Variants in BMPR2 observed in about 807,000 individuals in gnomAD.
BMPR2 encodes the protein bone morphogenetic protein receptor type 2, also known as bone morphogenetic protein receptor type-2.
In BMPR2, 29 loss-of-function variants were observed where a neutral mutation model predicts 100.8. The ratio of observed to expected loss-of-function variants is 0.29; its 90% CI spans 0.21 to 0.39. The LOEUF is 0.39. Ranked by LOEUF, BMPR2 falls within the 10% of genes least tolerant of loss-of-function variation. The pLI is 1.00. For synonymous variants in BMPR2, 382 were observed against 442.3 expected (o/e 0.86, Z 1.71); for missense variants, 1,011 against 1,274.5 (o/e 0.79, Z 3.15).
chr2:202,452,896 T>C (rs1024678923), intron 1 of BMPR2, among the ~76,000 whole-genome samples: 1 of 152,178 alleles, frequency 6.6e-6, no homozygotes, highest in African/African-American at 2.4e-5. Flanking sequence ...CTCAGTGGTC[T>C]GGGGTAATTA....
At position 202,380,118 on chromosome 2, in the gene BMPR2, G is replaced by A. The variant is rs1287314237; in HGVS notation, c.76+2568G>A. 2.0e-5 allele frequency among the ~76,000 whole-genome samples: 3 copies of A among 151,152 alleles called. No individual in the cohort carries two copies. The East Asian group carries it at 5.8e-4, about 29-fold the overall frequency. ...CCTGACCTCGTGATCCACCTGCCTCGGCCTCCCAAAGTGCTGGGATTACAG... is the reference window on the plus strand; with the variant it reads ...CCTGACCTCGTGATCCACCTGCCTCAGCCTCCCAAAGTGCTGGGATTACAG... On this transcript the variant is annotated intron_variant, in intron 1 of 12. Coordinates refer to ENST00000374580, the MANE Select transcript of BMPR2 (RefSeq NM_001204.7).
intron 3 of BMPR2, among the ~76,000 whole-genome samples, chr2:202,492,977 C>G (rs72925086): frequency 0.17 from 25,509 of 152,078 alleles, 2,459 homozygotes; most frequent in Middle Eastern, 0.24. Flanking sequence ...CTGGAAGATA[C>G]AGCTTTCACT....
At chr2:202,544,356 C>T (rs570639996) in intron 10 of BMPR2, among the ~76,000 whole-genome samples, 2 of 152,052 alleles carry the variant, frequency 1.3e-5, no homozygotes, top group East Asian at 1.9e-4. Context: ...TGAATCCTTG[C>T]ATGTTTAAAA....
At chr2:202,412,635 A>T (rs1346157119) in intron 1 of BMPR2, among the ~76,000 whole-genome samples, 1 of 152,162 alleles carries the variant, frequency 6.6e-6, no homozygotes, top group Non-Finnish European at 1.5e-5. Flanking sequence ...GTTATACTTT[A>T]AAAAATATAA....
rs541362131 is a variant in BMPR2, at chr2:202,468,084, G to A, written c.418+395G>A. The stretch of plus-strand genomic sequence containing the variant: ...AAAGTTGTTGGGAGTGAGAGGTAGA[G>A]TTCCAGCATCATAAGATTACATCTG... On this transcript the variant is annotated intron_variant, in intron 3 of 12. Coordinates refer to ENST00000374580, the MANE Select transcript of BMPR2 (RefSeq NM_001204.7). 4.6e-5 allele frequency among the ~76,000 whole-genome samples: 7 copies of A among 152,126 alleles called. No homozygotes were observed. The South Asian group carries it at 1.5e-3, about 32-fold the overall frequency.
intron 1 of BMPR2, among the ~76,000 whole-genome samples, chr2:202,432,152 C>T (rs1177790246): frequency 4.0e-5 from 6 of 150,806 alleles, no homozygotes; most frequent in East Asian, 3.9e-4. Flanking sequence ...TAACTCTCTT[C>T]CCTTTCTTTC....
chr2:202,396,848 A>G (rs1690666022), intron 1 of BMPR2, among the ~76,000 whole-genome samples: 2 of 151,870 alleles, frequency 1.3e-5, no homozygotes, highest in Non-Finnish European at 2.9e-5. Flanking sequence ...CCCAGGCTGG[A>G]GTGCAGTGGC....
At chr2:202,446,137 A>T (rs533516458) in intron 1 of BMPR2, among the ~76,000 whole-genome samples, 2 of 150,496 alleles carry the variant, frequency 1.3e-5, no homozygotes, top group Non-Finnish European at 2.9e-5. Flanking sequence ...GTGGTGGCTC[A>T]CGCCTGTAAT....
rs893200666 is a variant in BMPR2 at position 202,513,833 on chromosome 2, A to G, written c.529+4A>G. 2.5e-6 allele frequency: 4 copies of G among 1,595,150 alleles called. No homozygotes were observed. In the Admixed American group the frequency reaches 6.7e-5, roughly 27 times the overall value. On this transcript the variant is annotated splice_donor_region_variant and intron_variant, in intron 4 of 12. Coordinates refer to ENST00000374580, the MANE Select transcript of BMPR2 (RefSeq NM_001204.7). ...TTTGGATACAGAATGTTGACAGGTA[A>G]AAATTACCATTTTTTGTCCTATTGT...
intron 1 of BMPR2, among the ~76,000 whole-genome samples, chr2:202,442,833 C>T (rs1319245349): frequency 1.3e-5 from 2 of 150,608 alleles, no homozygotes; most frequent in South Asian, 2.1e-4. Context: ...TTTTGTTTAT[C>T]TGTTCATCTG....
intron 1 of BMPR2, among the ~76,000 whole-genome samples, chr2:202,458,080 T>C (rs1328688254): frequency 2.6e-5 from 4 of 152,022 alleles, no homozygotes; most frequent in Non-Finnish European, 4.4e-5. Flanking sequence ...TTAAATGATA[T>C]GGTAACACAT....
rs762096820 is a variant in BMPR2 at position 202,485,545 on chromosome 2, CTTTTTTTTT to C, written c.418+17867_418+17875del. Among the ~76,000 whole-genome samples, 3 of 64,020 alleles carry C rather than the reference CTTTTTTTTT, an allele frequency of 4.7e-5. No individual in the cohort carries two copies. The East Asian group carries it at 2.3e-3, about 49-fold the overall frequency. The allele number at this position is 64,020 out of a possible 152,430, so 42.0% of individuals were successfully genotyped here. ...GTCTCAAATCTCCCTTTGCCTTTATCTTTTTTTTTTTTTTTTTTTGAGACAGAGTCTCAC... is the reference window on the plus strand; with the variant it reads ...GTCTCAAATCTCCCTTTGCCTTTATCTTTTTTTTTTGAGACAGAGTCTCAC... On this transcript the variant is annotated intron_variant, in intron 3 of 12. Transcript: ENST00000374580.
chr2:202,464,400 G>T (rs1692279154), intron 1 of BMPR2, among the ~76,000 whole-genome samples: 1 of 152,034 alleles, frequency 6.6e-6, no homozygotes, highest in African/African-American at 2.4e-5. Flanking sequence ...TTGTATAACT[G>T]ACTATAAAAT....
intron 1 of BMPR2, among the ~76,000 whole-genome samples, chr2:202,393,866 T>A (rs977223410): frequency 7.7e-6 from 1 of 129,166 alleles, no homozygotes; most frequent in African/African-American, 2.9e-5. Flanking sequence ...GGCATCTAAT[T>A]AAGGTAATGA....
chr2:202,426,605 G>C (rs1574442529), intron 1 of BMPR2, among the ~76,000 whole-genome samples: 1 of 151,318 alleles, frequency 6.6e-6, no homozygotes, highest in East Asian at 1.9e-4. Flanking sequence ...ATTTTGGCTG[G>C]GTGTGGTGGC....
intron 1 of BMPR2, among the ~76,000 whole-genome samples, chr2:202,427,934 A>G (rs1221799317): frequency 6.6e-6 from 1 of 152,180 alleles, no homozygotes; most frequent in Non-Finnish European, 1.5e-5. Flanking sequence ...AGCTGAGATC[A>G]TGCCAGTGTG....
intron 3 of BMPR2, among the ~76,000 whole-genome samples, chr2:202,498,565 C>T (rs183869095): frequency 4.6e-5 from 7 of 152,084 alleles, no homozygotes; most frequent in Admixed American, 1.3e-4. Context: ...GTCCAGGGAC[C>T]GTTGCGAGTT....
intron 5 of BMPR2, among the ~76,000 whole-genome samples, chr2:202,516,836 CT>C (rs1687722189): frequency 6.6e-6 from 1 of 152,028 alleles, no homozygotes; most frequent in African/African-American, 2.4e-5. Context: ...TTGATATAAC[CT>C]TTTTAAAGGA....
chr2:202,382,644 G>T (rs1559020118), intron 1 of BMPR2, among the ~76,000 whole-genome samples: 1 of 152,174 alleles, frequency 6.6e-6, no homozygotes, highest in Non-Finnish European at 1.5e-5. Context: ...GAATATTCTA[G>T]GGTTGTTTAT....
Sources: allele counts gnomAD v4.1 joint callset (sites outside exome capture counted in the v4.1 genomes callset), GRCh38; gene constraint gnomAD v4.1.1; transcripts MANE v1.5; gene names NCBI Gene and HGNC (gene_info 2026-07-23, HGNC 2026-07-21).